Variants in ZC3H11A observed in about 807,000 individuals in gnomAD.
The protein encoded by ZC3H11A is zinc finger CCCH-type containing 11A, also known as zinc finger CCCH domain-containing protein 11A.
In ZC3H11A, 22 loss-of-function variants were observed where a neutral mutation model predicts 90.8. That is an observed-to-expected ratio of 0.24 (90% confidence interval 0.17 to 0.35). The LOEUF (loss-of-function observed/expected upper bound fraction) is 0.35, where lower values mean the gene tolerates loss of function less well. ZC3H11A is among the 10% of genes least tolerant of loss of function. The pLI is 1.00. For synonymous variants in ZC3H11A, 294 were observed against 339.8 expected (o/e 0.87, Z 1.48); for missense variants, 701 against 964.9 (o/e 0.73, Z 3.62).
chr1:203,807,811 G>A (rs1672894771), intron 2 of ZC3H11A, among the ~76,000 whole-genome samples: 1 of 151,852 alleles, frequency 6.6e-6, no homozygotes, highest in Non-Finnish European at 1.5e-5. Context: ...GGGCAGTCAC[G>A]GCTCACTGCA....
At position 203,838,003 on chromosome 1, in the gene ZC3H11A, A is replaced by C. The variant is rs1278603961; in HGVS notation, c.912A>C (p.Ala304=). ...DSDPPLKRSL[A]QRLGKKVEAP... is the part of the protein sequence containing the mutation. ...ATCCTCCATTAAAGCGTAGCCTGGC[A>C]CAGAGGCTAGGGAAGAAAGTTGAAG... The change falls in exon 11 of 18, where the codon GCA becomes GCC. Residue 304 remains alanine (A), a synonymous_variant. Coordinates refer to ENST00000367210, the MANE Select transcript of ZC3H11A (RefSeq NM_001376342.1). 6.2e-7 allele frequency: 1 copy of C among 1,614,210 alleles called. No individual in the cohort carries two copies. The highest frequency in any genetic ancestry group is 1.7e-5 in the Admixed American group (1 of 60,022).
At chr1:203,815,733 C>A (rs1031247772) in intron 2 of ZC3H11A, among the ~76,000 whole-genome samples, 1 of 152,150 alleles carries the variant, frequency 6.6e-6, no homozygotes, top group Non-Finnish European at 1.5e-5. Context: ...ACCATTCTTG[C>A]ATTAGGAATT....
At chr1:203,819,123 T>C (rs1677443018) in intron 4 of ZC3H11A, among the ~76,000 whole-genome samples, 1 of 144,970 alleles carries the variant, frequency 6.9e-6, no homozygotes, top group East Asian at 2.0e-4. Flanking sequence ...CACACACGTG[T>C]ATATATACAT....
At chr1:203,796,811 C>T (rs1668668360) in intron 1 of ZC3H11A, 1 of 191,716 alleles carries the variant, frequency 5.2e-6, no homozygotes, top group South Asian at 1.9e-4. Context: ...CAGCATTTAA[C>T]CTTGTTTTAA....
At position 203,796,530 on chromosome 1, in the gene ZC3H11A, G is replaced by T; in HGVS notation, c.-1588+736G>T. On this transcript the variant is annotated intron_variant, in intron 1 of 17. Transcript: ENST00000367210. ...TCCTATGGGGAAGGCCTATATTGTT[G>T]ACATCTTCCAGGCCTTGGTTCTGGA... 3 of 398,880 alleles carry T rather than the reference G, an allele frequency of 7.5e-6. No homozygotes were observed. In the South Asian group the frequency reaches 3.8e-4, roughly 51 times the overall value. 24.7% of individuals were successfully genotyped at this position (398,880 alleles called of 1,614,324 possible). A position where few individuals can be genotyped will look rare whatever the true frequency, so the allele number is the denominator to read the frequency against.
At chr1:203,834,007 A>C in intron 10 of ZC3H11A, 154 bp downstream of exon 10, 1 of 1,310,860 alleles carries the variant, frequency 7.6e-7, no homozygotes, top group Admixed American at 3.8e-5. Context: ...TGAGTGCATT[A>C]TACCTTTTAT....
chr1:203,801,173 C>T (rs571441912), intron 1 of ZC3H11A: 3 of 152,014 alleles, frequency 2.0e-5, no homozygotes, highest in Non-Finnish European at 2.9e-5. Context: ...TAAAAACAGA[C>T]TAAAATGTTT....
intron 12 of ZC3H11A, among the ~76,000 whole-genome samples, chr1:203,845,543 G>A (rs192412742): frequency 1.1e-3 from 160 of 152,264 alleles, no homozygotes; most frequent in Admixed American, 0.01. Flanking sequence ...CTAAATTGGA[G>A]GGTATCAGGT....
Position 203,849,913 on chromosome 1 carries a change from C to T in ZC3H11A, c.1826C>T (p.Thr609Ile). Residue 609 changes from threonine (T) to isoleucine (I), a missense_variant, in exon 15 of 18, where the codon ACC (threonine) becomes ATC (isoleucine). Coordinates refer to ENST00000367210, the MANE Select transcript of ZC3H11A (RefSeq NM_001376342.1). ...TAVPGITRHL[T>I]KRLPTKSSQK... ...GTGCCAGGAATCACACGGCACCTGACCAAGCGGCTTCCCACAAAGTCATCC... is the reference window on the plus strand; with the variant it reads ...GTGCCAGGAATCACACGGCACCTGATCAAGCGGCTTCCCACAAAGTCATCC... The T allele has an allele frequency of 1.2e-6, 2 of 1,614,040 alleles. No homozygotes were observed. Among genetic ancestry groups the T allele is most frequent in the Non-Finnish European group, 1.7e-6 (2 of 1,180,024 alleles).
chr1:203,819,113 C>T (rs1020430820), intron 4 of ZC3H11A, among the ~76,000 whole-genome samples: 18 of 148,188 alleles, frequency 1.2e-4, no homozygotes, highest in African/African-American at 4.6e-4. Context: ...CACACACACA[C>T]ACACACGTGT....
chr1:203,818,800 T>G, intron 4 of ZC3H11A, 111 bp downstream of exon 4: 1 of 1,510,986 alleles, frequency 6.6e-7, no homozygotes, highest in South Asian at 1.2e-5. Flanking sequence ...CTGAGTGCAG[T>G]GGCTCATGCC....
intron 4 of ZC3H11A, among the ~76,000 whole-genome samples, chr1:203,819,872 A>T (rs775280189): frequency 3.0e-4 from 45 of 151,696 alleles, no homozygotes; most frequent in Non-Finnish European, 5.3e-4. Flanking sequence ...ACATTGATAT[A>T]TTACCATCGT....
intron 1 of ZC3H11A, chr1:203,797,583 A>G: frequency 2.6e-6 from 4 of 1,533,546 alleles, no homozygotes; most frequent in Non-Finnish European, 3.5e-6. Context: ...AAGATGCAAC[A>G]CTTTTAGTGA....
chr1:203,809,056 C>T (rs916813020), intron 2 of ZC3H11A, among the ~76,000 whole-genome samples: 10 of 152,232 alleles, frequency 6.6e-5, no homozygotes, highest in African/African-American at 2.4e-4. Context: ...TCTCGAACTC[C>T]TGACCTCAGG....
intron 5 of ZC3H11A, 47 bp from the exon 6 acceptor site, chr1:203,829,404 G>A: frequency 2.5e-6 from 4 of 1,603,084 alleles, no homozygotes; most frequent in Non-Finnish European, 3.4e-6. Context: ...TGGTAAGTTG[G>A]GGTTGTATCT....
At chr1:203,838,232 G>C (rs1684979703) in intron 11 of ZC3H11A, among the ~76,000 whole-genome samples, 168 bp downstream of exon 11, 1 of 152,072 alleles carries the variant, frequency 6.6e-6, no homozygotes, top group Admixed American at 6.5e-5. Flanking sequence ...TAGATTCTGG[G>C]TAGACACCAT....
intron 4 of ZC3H11A, among the ~76,000 whole-genome samples, chr1:203,821,073 T>A (rs1256274533): frequency 6.6e-6 from 1 of 152,140 alleles, no homozygotes; most frequent in Non-Finnish European, 1.5e-5. Flanking sequence ...CCCCATGTGT[T>A]AAGGGAGGGA....
At chr1:203,797,771 A>G in intron 1 of ZC3H11A, 3 of 1,535,808 alleles carry the variant, frequency 2.0e-6, no homozygotes, top group Non-Finnish European at 2.6e-6. Flanking sequence ...TTCTTGCCAA[A>G]AAGTTTAGTA....
intron 4 of ZC3H11A, among the ~76,000 whole-genome samples, chr1:203,820,466 T>TTTTGTGTGTGTGTG (rs144962991): frequency 7.3e-6 from 1 of 136,396 alleles, no homozygotes; most frequent in Non-Finnish European, 1.6e-5. Context: ...ATATCACAAA[T>TTTTGTGTGTGTGTG]TATGTGTGTG....
Sources: allele counts gnomAD v4.1 joint callset (sites outside exome capture counted in the v4.1 genomes callset), GRCh38; gene constraint gnomAD v4.1.1; transcripts MANE v1.5; gene names NCBI Gene and HGNC (gene_info 2026-07-23, HGNC 2026-07-21).